Variants in ALPK1 observed in about 807,000 individuals in gnomAD.
The protein encoded by ALPK1 is alpha kinase 1, also known as alpha-protein kinase 1.
A neutral mutation model predicts 120.6 loss-of-function variants in ALPK1; 110 were observed. The observed-to-expected ratio is 0.91, with a 90% CI of 0.78 to 1.07. The LOEUF is 1.07. Among genes scored for constraint, ALPK1 ranks in the 50% least tolerant of loss-of-function variants. ALPK1 has a pLI of 0.00. For synonymous variants in ALPK1, 582 were observed against 560.3 expected (o/e 1.04, Z -0.55); for missense variants, 1,498 against 1,483.9 (o/e 1.01, Z -0.16).
At chr4:112,347,424 A>T (rs1341108323) in intron 2 of ALPK1, among the ~76,000 whole-genome samples, 2 of 152,238 alleles carry the variant, frequency 1.3e-5, no homozygotes, top group African/African-American at 4.8e-5. Flanking sequence ...TATAAAAGTC[A>T]TATCATCAAC....
intron 7 of ALPK1, 183 bp downstream of exon 7, chr4:112,425,934 G>T (rs571965076): frequency 3.2e-4 from 149 of 467,946 alleles, no homozygotes; most frequent in African/African-American, 2.5e-3. Context: ...AATAAAATGT[G>T]TTTTTTTCTA....
chr4:112,430,648 G>C lies in ALPK1; in HGVS notation c.1101G>C (p.Arg367Ser), dbSNP rs745594011. Residue 367 changes from arginine to serine, a missense_variant, in exon 11 of 16, where the codon AGG (arginine) becomes AGC (serine). Transcript: ENST00000650871. ...TCGGTCTCACCACAGTGCACAGAAG[G>C]CTCCATGGGGAGACAGGGACGGTCC... ...AAFGLTTVHRRLHGETGTVHA... is the reference protein window; with the variant it reads ...AAFGLTTVHRSLHGETGTVHA... 3.1e-6 allele frequency: 5 copies of C among 1,614,160 alleles called. No homozygotes were observed. The highest frequency in any genetic ancestry group is 1.7e-5 in the Admixed American group (1 of 60,024).
chr4:112,412,577 C>G, intron 5 of ALPK1: 1 of 382,392 alleles, frequency 2.6e-6, no homozygotes, highest in Non-Finnish European at 5.2e-6. Flanking sequence ...GGCTGACATT[C>G]TAACTTAAGA....
At chr4:112,316,027 TG>T (rs1273678922) in intron 2 of ALPK1, 175 bp downstream of exon 2, 2 of 152,236 alleles carry the variant, frequency 1.3e-5, no homozygotes, top group Non-Finnish European at 2.9e-5. Context: ...TTTTAAAAAT[TG>T]TGGTAAAATA....
At chr4:112,311,168 G>C (rs1255489853) in intron 1 of ALPK1, among the ~76,000 whole-genome samples, 5 of 152,172 alleles carry the variant, frequency 3.3e-5, no homozygotes, top group African/African-American at 1.2e-4. Flanking sequence ...ATAGATCATA[G>C]GGTGGAGGAA....
At chr4:112,359,476 C>T (rs1328910263) in intron 2 of ALPK1, 2 of 272,582 alleles carry the variant, frequency 7.3e-6, no homozygotes, top group East Asian at 8.4e-5. Context: ...CACTTCTTGC[C>T]GACATGCACA....
intron 4 of ALPK1, among the ~76,000 whole-genome samples, chr4:112,397,954 T>A (rs1029438004): frequency 6.6e-6 from 1 of 152,186 alleles, no homozygotes; most frequent in African/African-American, 2.4e-5. Flanking sequence ...GGTGTATATA[T>A]AATTTAATAT....
intron 2 of ALPK1, among the ~76,000 whole-genome samples, chr4:112,337,531 C>T (rs911061950): frequency 1.3e-5 from 2 of 152,128 alleles, no homozygotes; most frequent in South Asian, 4.1e-4. Context: ...TCCATCTCTA[C>T]AAAAAAAATT....
chr4:112,343,337 G>GAAGA (rs1242648960), intron 2 of ALPK1: 3 of 152,168 alleles, frequency 2.0e-5, no homozygotes, highest in Non-Finnish European at 2.9e-5. Flanking sequence ...ATGCCATTTT[G>GAAGA]AAGAAAGAAA....
At chr4:112,337,594 C>G (rs1246898362) in intron 2 of ALPK1, among the ~76,000 whole-genome samples, 1 of 152,076 alleles carries the variant, frequency 6.6e-6, no homozygotes, top group African/African-American at 2.4e-5. Context: ...GTCCTAGCTA[C>G]TTGAGAGGCT....
At chr4:112,366,144 C>G (rs1368706445) in intron 2 of ALPK1, among the ~76,000 whole-genome samples, 2 of 152,014 alleles carry the variant, frequency 1.3e-5, no homozygotes, top group Non-Finnish European at 2.9e-5. Context: ...GACATTGGCT[C>G]AGGCAAAGAC....
chr4:112,337,963 T>C (rs1259463384), intron 2 of ALPK1, among the ~76,000 whole-genome samples: 1 of 152,174 alleles, frequency 6.6e-6, no homozygotes, highest in Non-Finnish European at 1.5e-5. Context: ...ATTAATAAAC[T>C]ATTTTATGTC....
At chr4:112,373,549 T>C (rs1731512506) in intron 2 of ALPK1, among the ~76,000 whole-genome samples, 2 of 152,298 alleles carry the variant, frequency 1.3e-5, no homozygotes, top group South Asian at 4.1e-4. Flanking sequence ...TCAAAGATAT[T>C]GTGGATTCAG....
At chr4:112,436,024 T>G (rs1734775405) in intron 12 of ALPK1, among the ~76,000 whole-genome samples, 1 of 152,250 alleles carries the variant, frequency 6.6e-6, no homozygotes, top group South Asian at 2.1e-4. Flanking sequence ...TTCATTGGAT[T>G]TAAGACATAA....
intron 2 of ALPK1, among the ~76,000 whole-genome samples, chr4:112,317,599 T>C (rs1214338346): frequency 6.6e-6 from 1 of 152,168 alleles, no homozygotes; most frequent in East Asian, 1.9e-4. Context: ...TGGTCTATAC[T>C]ACTGTTTGGA....
At chr4:112,418,346 A>G (rs1733834837) in intron 5 of ALPK1, among the ~76,000 whole-genome samples, 1 of 152,180 alleles carries the variant, frequency 6.6e-6, no homozygotes, top group African/African-American at 2.4e-5. Context: ...ACAGAGTGCC[A>G]GGGGAAACTG....
At chr4:112,427,059 G>A (rs1375880414) in intron 8 of ALPK1, among the ~76,000 whole-genome samples, 1 of 152,176 alleles carries the variant, frequency 6.6e-6, no homozygotes, top group Non-Finnish European at 1.5e-5. Context: ...CCTGAGCTGT[G>A]TAAGCAATTA....
Position 112,430,765 on chromosome 4 carries a change from A to T in ALPK1, c.1218A>T (p.Gln406His). The stretch of plus-strand genomic sequence containing the variant: ...GTCAGGACAGAGAAGCTCTGTCTCA[A>T]GAAGTTATGTCTGTGATTGCCCAGG... ...SRSQDREALS[Q>H]EVMSVIAQVK... Residue 406 changes from glutamine (Q) to histidine (H), a missense_variant, in exon 11 of 16, where the codon CAA becomes CAT. Gln to His is a conservative substitution (Grantham distance 24, BLOSUM62 0). Transcript: ENST00000650871. 1.2e-6 allele frequency: 2 copies of T among 1,614,240 alleles called. No individual in the cohort carries two copies. The highest frequency in any genetic ancestry group is 1.7e-6 in the Non-Finnish European group (2 of 1,180,036).
chr4:112,372,501 G>A (rs754387347), intron 2 of ALPK1, among the ~76,000 whole-genome samples: 11 of 152,030 alleles, frequency 7.2e-5, no homozygotes, highest in Non-Finnish European at 1.3e-4. Flanking sequence ...GAGCCACCAC[G>A]CCTGGCCTAC....
Sources: gnomAD v4.1 joint callset for allele counts (sites outside exome capture counted in the v4.1 genomes callset) on GRCh38, gnomAD v4.1.1 for gene constraint, MANE v1.5 for transcripts, NCBI Gene and HGNC (gene_info 2026-07-23, HGNC 2026-07-21) for gene names.